IL1RAPL1: variants seen among roughly 807,000 people sequenced by gnomAD.
IL1RAPL1 encodes the protein interleukin 1 receptor accessory protein like 1, also known as interleukin-1 receptor accessory protein-like 1.
Under a neutral mutation model 48.4 loss-of-function variants are expected in IL1RAPL1, and 3 were observed. The ratio of observed to expected loss-of-function variants is 0.06; its 90% CI spans 0.03 to 0.16. The LOEUF is 0.16. Ranked by LOEUF, IL1RAPL1 falls within the 10% of genes least tolerant of loss-of-function variation. The probability of loss-of-function intolerance (pLI) is 1.00; values close to 1 mark genes in which losing one functional copy is unlikely to be tolerated. For synonymous variants in IL1RAPL1, 185 were observed against 187.7 expected (o/e 0.99, Z 0.12); for missense variants, 349 against 530.6 (o/e 0.66, Z 3.36).
At chrX:29,640,706 C>T (rs1195271951) in intron 5 of IL1RAPL1, among the ~76,000 whole-genome samples, 1 of 112,093 alleles carries the variant, frequency 8.9e-6, no homozygotes, top group Non-Finnish European at 1.9e-5. Context: ...ACATGAACAC[C>T]TCTCTACTGC....
intron 2 of IL1RAPL1, among the ~76,000 whole-genome samples, chrX:29,206,681 C>T (rs978694557): frequency 9.0e-6 from 1 of 111,681 alleles, no homozygotes; most frequent in Non-Finnish European, 1.9e-5. Flanking sequence ...TTACATAAAA[C>T]ACATTTTCCC....
intron 2 of IL1RAPL1, among the ~76,000 whole-genome samples, chrX:28,974,696 A>T (rs202244510): frequency 1.8e-5 from 2 of 111,638 alleles, no homozygotes; most frequent in Non-Finnish European, 1.9e-5. Context: ...ATGTGCAGGG[A>T]TTAAGAGTCT....
At chrX:28,790,913 T>C (rs1441408090) in intron 2 of IL1RAPL1, among the ~76,000 whole-genome samples, 1 of 111,812 alleles carries the variant, frequency 8.9e-6, no homozygotes, top group Non-Finnish European at 1.9e-5. Context: ...ACACTGATGT[T>C]TTCTGGAATA....
At chrX:28,680,382 A>G (rs1471001261) in intron 1 of IL1RAPL1, among the ~76,000 whole-genome samples, 3 of 111,567 alleles carry the variant, frequency 2.7e-5, no homozygotes, top group Non-Finnish European at 5.7e-5. Context: ...TTTTTTACAC[A>G]TATGATCATG....
intron 2 of IL1RAPL1, among the ~76,000 whole-genome samples, chrX:28,817,636 A>G (rs1325295755): frequency 9.0e-6 from 1 of 111,359 alleles, no homozygotes. Flanking sequence ...AGAATACCCA[A>G]GCTGGATAAG....
chrX:29,621,876 T>C (rs969995032), intron 5 of IL1RAPL1, among the ~76,000 whole-genome samples: 2 of 112,003 alleles, frequency 1.8e-5, no homozygotes, highest in Non-Finnish European at 3.8e-5. Context: ...TATTTTTTTC[T>C]ATCAAACTCT....
At chrX:29,348,679 T>A (rs1008628263) in intron 3 of IL1RAPL1, among the ~76,000 whole-genome samples, 2 of 111,761 alleles carry the variant, frequency 1.8e-5, no homozygotes, top group Non-Finnish European at 3.8e-5. Flanking sequence ...ATTGGACAGA[T>A]GATGTATTCT....
intron 9 of IL1RAPL1, among the ~76,000 whole-genome samples, chrX:29,947,683 C>T (rs1263276166): frequency 9.2e-6 from 1 of 108,305 alleles, no homozygotes; most frequent in African/African-American, 3.4e-5. Flanking sequence ...AATTATTGTC[C>T]TCATGTCCAT....
intron 2 of IL1RAPL1, among the ~76,000 whole-genome samples, chrX:28,893,399 T>C (rs931871844): frequency 1.8e-5 from 2 of 110,638 alleles, no homozygotes; most frequent in African/African-American, 3.3e-5. Context: ...TAAAGGCCGG[T>C]CCATTATAGG....
intron 2 of IL1RAPL1, among the ~76,000 whole-genome samples, chrX:29,150,081 C>CA (rs1018670334): frequency 8.9e-6 from 1 of 112,104 alleles, no homozygotes; most frequent in African/African-American, 3.2e-5. Context: ...TTGAGAGAAT[C>CA]AAAATCAGTA....
intron 2 of IL1RAPL1, among the ~76,000 whole-genome samples, chrX:29,080,938 T>TTC: frequency 3.8e-5 from 1 of 26,632 alleles, no homozygotes; most frequent in South Asian, 2.3e-3. Context: ...CTTTCTTTCT[T>TTC]TCTTTCTTTC....
intron 2 of IL1RAPL1, among the ~76,000 whole-genome samples, chrX:29,217,477 G>A (rs757402141): frequency 1.8e-5 from 2 of 111,792 alleles, no homozygotes; most frequent in Non-Finnish European, 3.8e-5. Flanking sequence ...TATTTATTTA[G>A]TCATTGTTTA....
intron 6 of IL1RAPL1, among the ~76,000 whole-genome samples, chrX:29,846,583 C>T (rs907744762): frequency 8.2e-5 from 9 of 109,651 alleles, no homozygotes; most frequent in South Asian, 3.9e-4. Context: ...GTTGAAACCA[C>T]GTAATGGGTA....
chrX:29,150,937 GA>G (rs1322310846), intron 2 of IL1RAPL1, among the ~76,000 whole-genome samples: 8 of 101,153 alleles, frequency 7.9e-5, no homozygotes, highest in Admixed American at 4.3e-4. Flanking sequence ...AAAAAAAAAA[GA>G]AAAAAAAAGA....
intron 2 of IL1RAPL1, among the ~76,000 whole-genome samples, chrX:28,910,021 A>G (rs901716548): frequency 2.7e-5 from 3 of 111,875 alleles, no homozygotes; most frequent in Non-Finnish European, 5.7e-5. Context: ...AATATAATCA[A>G]TTCTGCCAAC....
At chrX:29,327,049 A>T (rs747885501) in intron 3 of IL1RAPL1, among the ~76,000 whole-genome samples, 1 of 111,367 alleles carries the variant, frequency 9.0e-6, no homozygotes, top group Non-Finnish European at 1.9e-5. Context: ...AATACCCATG[A>T]TCCTCTTGAG....
chrX:28,597,606 C>T (rs1269126031), intron 1 of IL1RAPL1, among the ~76,000 whole-genome samples: 1 of 110,504 alleles, frequency 9.0e-6, no homozygotes, highest in African/African-American at 3.3e-5. Flanking sequence ...TGGCACATGT[C>T]TGTAATCCCA....
chrX:29,847,327 A>T (rs149761434), intron 6 of IL1RAPL1, among the ~76,000 whole-genome samples: 2,047 of 111,612 alleles, frequency 0.018, 47 homozygotes, highest in African/African-American at 0.063. Context: ...GTCACCACAC[A>T]TTGGTTTAGT....
chrX:28,993,068 T>A (rs1925648002), intron 2 of IL1RAPL1, among the ~76,000 whole-genome samples: 1 of 112,118 alleles, frequency 8.9e-6, no homozygotes, highest in Non-Finnish European at 1.9e-5. Flanking sequence ...TTTCCTTGAT[T>A]TGAAAATTAT....
Sources: allele counts gnomAD v4.1 joint callset (sites outside exome capture counted in the v4.1 genomes callset), GRCh38; gene constraint gnomAD v4.1.1; transcripts MANE v1.5; gene names NCBI Gene and HGNC (gene_info 2026-07-23, HGNC 2026-07-21).